GRM8: variants seen among roughly 807,000 people sequenced by gnomAD.
GRM8 encodes the protein metabotropic glutamate receptor 8.
Under a neutral mutation model 87.2 loss-of-function variants are expected in GRM8, and 47 were observed. The observed-to-expected ratio is 0.54, with a 90% CI of 0.43 to 0.69. GRM8 has a LOEUF of 0.69. Ranked by LOEUF, GRM8 falls within the 30% of genes least tolerant of loss-of-function variation. The probability of loss-of-function intolerance (pLI) is 0.00; values close to 1 mark genes in which losing one functional copy is unlikely to be tolerated. For missense variants in GRM8, 1,019 were observed against 1,139.2 expected (o/e 0.89, Z 1.52); for synonymous variants, 396 against 404.5 (o/e 0.98, Z 0.25).
intron 3 of GRM8, among the ~76,000 whole-genome samples, chr7:127,011,955 T>A (rs1814938993): frequency 6.6e-6 from 1 of 152,286 alleles, no homozygotes; most frequent in East Asian, 1.9e-4. Context: ...ATCAGCCACC[T>A]GTGAATCGAC....
intron 3 of GRM8, among the ~76,000 whole-genome samples, chr7:126,953,844 C>T (rs1246053869): frequency 6.6e-6 from 1 of 152,138 alleles, no homozygotes; most frequent in Non-Finnish European, 1.5e-5. Context: ...AATTTACTAT[C>T]TGCTAAATGG....
intron 6 of GRM8, among the ~76,000 whole-genome samples, chr7:126,853,443 A>G (rs1202933663): frequency 9.9e-5 from 15 of 152,178 alleles, no homozygotes; most frequent in Admixed American, 9.8e-4. Context: ...AGTCTTGCAG[A>G]GGCTGCCTTC....
At chr7:126,454,373 T>C (rs1802987238) in intron 9 of GRM8, among the ~76,000 whole-genome samples, 1 of 151,796 alleles carries the variant, frequency 6.6e-6, no homozygotes, top group Non-Finnish European at 1.5e-5. Flanking sequence ...TGGTTTCAAC[T>C]GTAGTTTTGC....
chr7:126,894,733 G>A (rs553378886), intron 6 of GRM8, among the ~76,000 whole-genome samples: 1 of 152,046 alleles, frequency 6.6e-6, no homozygotes, highest in African/African-American at 2.4e-5. Context: ...GTGCAACTCA[G>A]CCCCACTTCG....
intron 3 of GRM8, among the ~76,000 whole-genome samples, chr7:127,091,694 T>G (rs1389066892): frequency 2.8e-5 from 3 of 107,154 alleles, no homozygotes; most frequent in African/African-American, 1.1e-4. Flanking sequence ...CCACTGATCC[T>G]CTGATGACCC....
chr7:126,484,226 T>C (rs983999240), intron 9 of GRM8, among the ~76,000 whole-genome samples: 7 of 152,050 alleles, frequency 4.6e-5, no homozygotes, highest in Non-Finnish European at 8.8e-5. Flanking sequence ...ATGGAGGCTT[T>C]AAATAAGTAA....
At chr7:126,848,372 G>A (rs558009020) in intron 6 of GRM8, among the ~76,000 whole-genome samples, 1 of 152,204 alleles carries the variant, frequency 6.6e-6, no homozygotes, top group Admixed American at 6.5e-5. Flanking sequence ...AGTACACACT[G>A]AATTTTGAAC....
intron 3 of GRM8, among the ~76,000 whole-genome samples, chr7:126,969,994 G>C (rs1194657454): frequency 7.3e-6 from 1 of 136,068 alleles, no homozygotes; most frequent in Non-Finnish European, 1.7e-5. Flanking sequence ...ATCTTGAAAG[G>C]AATCTTTTTT....
intron 7 of GRM8, among the ~76,000 whole-genome samples, chr7:126,613,698 C>T (rs187322163): frequency 4.6e-4 from 70 of 152,326 alleles, no homozygotes; most frequent in African/African-American, 7.2e-4. Context: ...GCTTTTCCAA[C>T]GGTCTTAGCA....
chr7:127,065,176 T>A (rs1193173317), intron 3 of GRM8, among the ~76,000 whole-genome samples: 7 of 152,210 alleles, frequency 4.6e-5, no homozygotes, highest in Non-Finnish European at 8.8e-5. Flanking sequence ...TACCATGGAA[T>A]ATTATGCAGC....
Position 127,095,141 on chromosome 7 carries a change from G to A in GRM8, c.727+11355C>T, listed in dbSNP as rs145846166. On this transcript the variant is annotated intron_variant, in intron 3 of 10. Transcript: ENST00000339582. ...CCAAAACCAGGAGGCCAGAATACAG[G>A]GATGGGTCCATCTCCAAGGATCTGA... Among the ~76,000 whole-genome samples the A allele has an allele frequency of 1.3e-4, 20 of 152,314 alleles. No individual in the cohort carries two copies. In the East Asian group the frequency reaches 3.7e-3, roughly 28 times the overall value.
chr7:126,790,862 C>G (rs78737424), intron 6 of GRM8, among the ~76,000 whole-genome samples: 1 of 152,124 alleles, frequency 6.6e-6, no homozygotes, highest in Non-Finnish European at 1.5e-5. Context: ...ATCCAGGGCT[C>G]TGGGTAGGAT....
chr7:127,083,310 C>A (rs369756271), intron 3 of GRM8, among the ~76,000 whole-genome samples: 1 of 152,104 alleles, frequency 6.6e-6, no homozygotes, highest in Non-Finnish European at 1.5e-5. Flanking sequence ...CTCTGTATAC[C>A]CCATTGCTTG....
intron 6 of GRM8, among the ~76,000 whole-genome samples, chr7:126,858,982 C>T (rs182302808): frequency 5.8e-4 from 88 of 152,080 alleles, no homozygotes; most frequent in Admixed American, 2.0e-3. Context: ...TGTGTCCCTC[C>T]ACCCCCCACC....
intron 9 of GRM8, among the ~76,000 whole-genome samples, chr7:126,501,142 G>A (rs538376746): frequency 3.0e-4 from 45 of 151,826 alleles, no homozygotes; most frequent in Admixed American, 1.9e-3. Flanking sequence ...AATTACTTAC[G>A]TTTTACAGCA....
In GRM8 at chr7:126,458,495, G is replaced by A. The variant is rs1018812189; in HGVS notation, c.2431-12123C>T. Among the ~76,000 whole-genome samples the A allele has an allele frequency of 6.6e-5, 10 of 150,972 alleles. 1 individual carries two copies. Among genetic ancestry groups the A allele is most frequent in the East Asian group, 3.9e-4 (2 of 5,116 alleles). ...CATTATCACAATGTATGTAAGCAAC[G>A]CATTATAGAAATGCAAGGATAGACA... On this transcript the variant is annotated intron_variant, in intron 9 of 10. Transcript: ENST00000339582.
At chr7:126,624,109 C>G (rs1800444191) in intron 7 of GRM8, among the ~76,000 whole-genome samples, 1 of 152,234 alleles carries the variant, frequency 6.6e-6, no homozygotes, top group African/African-American at 2.4e-5. Context: ...CACTGAACAA[C>G]AACAATCCAC....
At chr7:126,469,812 G>A (rs1168647054) in intron 9 of GRM8, among the ~76,000 whole-genome samples, 1 of 152,100 alleles carries the variant, frequency 6.6e-6, no homozygotes, top group Non-Finnish European at 1.5e-5. Flanking sequence ...CAGTAAATTG[G>A]TACTGGTAGA....
intron 8 of GRM8, among the ~76,000 whole-genome samples, chr7:126,561,155 T>A (rs145689574): frequency 0.012 from 1,838 of 152,278 alleles, 35 homozygotes; most frequent in African/African-American, 0.042. Context: ...TGTCTTGTAC[T>A]TCCTCAGAAA....
Sources: allele counts gnomAD v4.1 joint callset (sites outside exome capture counted in the v4.1 genomes callset), GRCh38; gene constraint gnomAD v4.1.1; transcripts MANE v1.5; gene names NCBI Gene and HGNC (gene_info 2026-07-23, HGNC 2026-07-21).